Variants in LINGO2 observed in about 807,000 individuals in gnomAD.
LINGO2 encodes leucine rich repeat and Ig domain containing 2, also known as leucine-rich repeat and immunoglobulin-like domain-containing nogo receptor-interacting protein 2.
In LINGO2, 14 loss-of-function variants were observed where a neutral mutation model predicts 30.6. The observed-to-expected ratio is 0.46, with a 90% CI of 0.30 to 0.72. The LOEUF (loss-of-function observed/expected upper bound fraction) is 0.72. Among genes scored for constraint, LINGO2 ranks in the 30% least tolerant of loss-of-function variants. The pLI is 0.07. For missense variants in LINGO2, 729 were observed against 751.7 expected, an observed-to-expected ratio of 0.97 and a Z score of 0.35; for synonymous variants, 317 against 288.5, an observed-to-expected ratio of 1.10 and a Z score of -1.00.
At chr9:29,043,707 A>G in the LINGO2 span, among the ~76,000 whole-genome samples, 1 of 152,012 alleles carries the variant, frequency 6.6e-6, no homozygotes, top group Admixed American at 6.6e-5. Context: ...AAATAATACT[A>G]TTTTATATTT....
At chr9:28,597,010 G>A (rs62560670) in intron 1 of LINGO2, among the ~76,000 whole-genome samples, 5,565 of 152,136 alleles carry the variant, frequency 0.037, 129 homozygotes, top group African/African-American at 0.049. Context: ...AGATGCAAAG[G>A]TATCTATCAA....
chr9:28,089,411 T>C (rs942872517), intron 4 of LINGO2, among the ~76,000 whole-genome samples: 6 of 152,168 alleles, frequency 3.9e-5, no homozygotes, highest in African/African-American at 1.4e-4. Flanking sequence ...ATTAAGAAAC[T>C]CACTCAAAAC....
At chr9:28,667,853 A>T (rs913798564) in intron 1 of LINGO2, among the ~76,000 whole-genome samples, 14 of 152,192 alleles carry the variant, frequency 9.2e-5, no homozygotes, top group African/African-American at 3.1e-4. Context: ...TCAACTGTGG[A>T]CTGAGCTAAC....
At position 28,238,555 on chromosome 9, in the gene LINGO2, A is replaced by G. The variant is rs1362046212; in HGVS notation, c.-87+56653T>C. ...TGTGCTCCTGAATGACAGTGGGTCA[A>G]TAAAGAAATTAAAAAGGAAATTGGA... is the stretch of plus-strand genomic sequence containing the variant. On this transcript the variant is annotated intron_variant, in intron 4 of 5. Transcript: ENST00000379992. 2.6e-5 allele frequency among the ~76,000 whole-genome samples: 4 copies of G among 152,320 alleles called. No homozygotes were observed. The South Asian group carries it at 6.2e-4, about 24-fold the overall frequency.
At position 28,557,543 on chromosome 9, in the gene LINGO2, T is replaced by C. The variant is rs572023474; in HGVS notation, c.-364-81518A>G. 2.7e-3 allele frequency among the ~76,000 whole-genome samples: 411 copies of C among 152,142 alleles called. 5 individuals carry two copies. Among genetic ancestry groups the C allele is most frequent in the African/African-American group, 9.4e-3 (391 of 41,526 alleles). On this transcript the variant is annotated intron_variant, in intron 1 of 5. Coordinates refer to ENST00000379992, the Ensembl canonical transcript of LINGO2. ...GAGAAATAGGAACACTTTTACACTG[T>C]TGGTGCGACTGTAAACTAGTTCAAC...
At chr9:28,529,989 G>A (rs1490375701) in intron 1 of LINGO2, among the ~76,000 whole-genome samples, 1 of 152,052 alleles carries the variant, frequency 6.6e-6, no homozygotes, top group Non-Finnish European at 1.5e-5. Flanking sequence ...ACTTGACACA[G>A]TATTTTTCAG....
intron 4 of LINGO2, among the ~76,000 whole-genome samples, chr9:28,269,470 C>A (rs767073176): frequency 6.6e-6 from 1 of 152,020 alleles, no homozygotes; most frequent in Non-Finnish European, 1.5e-5. Context: ...ACATTATAAA[C>A]GATAACACAA....
the LINGO2 span, among the ~76,000 whole-genome samples, chr9:29,204,858 C>A: frequency 6.6e-6 from 1 of 152,094 alleles, no homozygotes; most frequent in Non-Finnish European, 1.5e-5. Context: ...TGATAGCATA[C>A]ATTCTTACAT....
At chr9:28,095,899 G>A (rs899066447) in intron 4 of LINGO2, among the ~76,000 whole-genome samples, 5 of 152,138 alleles carry the variant, frequency 3.3e-5, no homozygotes, top group African/African-American at 7.2e-5. Flanking sequence ...AGTGGGCGAA[G>A]GACATGAACA....
At chr9:28,695,815 C>CT in the LINGO2 span, among the ~76,000 whole-genome samples, 1 of 150,050 alleles carries the variant, frequency 6.7e-6, no homozygotes, top group East Asian at 1.9e-4. Context: ...GAATCATTTG[C>CT]TTTTTTTGCA....
chr9:29,076,003 A>G, the LINGO2 span, among the ~76,000 whole-genome samples: 1 of 151,654 alleles, frequency 6.6e-6, no homozygotes. Flanking sequence ...TCCTCCCACC[A>G]CAGCCTCTCT....
At chr9:28,805,357 A>G in the LINGO2 span, among the ~76,000 whole-genome samples, 3 of 152,200 alleles carry the variant, frequency 2.0e-5, no homozygotes, top group Admixed American at 6.5e-5. Context: ...GCTCTGTGGC[A>G]TCACAGATGC....
the LINGO2 span, among the ~76,000 whole-genome samples, chr9:28,982,783 T>C: frequency 7.9e-5 from 12 of 152,134 alleles, no homozygotes; most frequent in African/African-American, 1.2e-4. Flanking sequence ...AGCATTATAA[T>C]ATCTTGGAAT....
At chr9:29,143,860 A>G in the LINGO2 span, among the ~76,000 whole-genome samples, 1 of 152,086 alleles carries the variant, frequency 6.6e-6, no homozygotes, top group Non-Finnish European at 1.5e-5. Context: ...TATGTCCTGA[A>G]TTGTATTGCC....
the LINGO2 span, among the ~76,000 whole-genome samples, chr9:28,924,380 C>T: frequency 7.1e-3 from 1,085 of 152,170 alleles, 19 homozygotes; most frequent in African/African-American, 0.024. Context: ...ACCACCATGC[C>T]CAGCTAATTT....
intron 1 of LINGO2, among the ~76,000 whole-genome samples, chr9:28,515,109 A>G (rs1196334074): frequency 2.0e-5 from 3 of 152,170 alleles, no homozygotes; most frequent in Non-Finnish European, 4.4e-5. Context: ...GCTCAAGGAT[A>G]TTAATGTTCT....
chr9:28,514,863 T>C (rs1009575542), intron 1 of LINGO2, among the ~76,000 whole-genome samples: 1 of 152,052 alleles, frequency 6.6e-6, no homozygotes, highest in Non-Finnish European at 1.5e-5. Context: ...TTTAAGCCAA[T>C]GCTCATTTGC....
At chr9:28,433,949 C>CTCTCTCTCTCTCTATATATATA (rs1225323260) in intron 2 of LINGO2, among the ~76,000 whole-genome samples, 9 of 88,542 alleles carry the variant, frequency 1.0e-4, no homozygotes, top group African/African-American at 4.0e-4. Context: ...CTCTCTCTCT[C>CTCTCTCTCTCTCTATATATATA]TATATATATA....
intron 2 of LINGO2, among the ~76,000 whole-genome samples, chr9:28,438,431 A>C (rs1413501758): frequency 6.6e-6 from 1 of 152,126 alleles, no homozygotes; most frequent in Non-Finnish European, 1.5e-5. Context: ...CAAACATCAG[A>C]GCTCCTGATT....
Sources: gnomAD v4.1 joint callset for allele counts (sites outside exome capture counted in the v4.1 genomes callset) on GRCh38, gnomAD v4.1.1 for gene constraint, MANE v1.5 for transcripts, NCBI Gene and HGNC (gene_info 2026-07-23, HGNC 2026-07-21) for gene names.